The following IGSF9B variants were observed in gnomAD, a reference collection of about 807,000 sequenced individuals.
IGSF9B encodes the protein immunoglobulin superfamily member 9B, also known as protein turtle homolog B.
In IGSF9B, 48 loss-of-function variants were observed where a neutral mutation model predicts 143.7. The observed-to-expected ratio is 0.33, with a 90% confidence interval of 0.26 to 0.42. IGSF9B has a LOEUF of 0.42. Among genes scored for constraint, IGSF9B ranks in the 20% least tolerant of loss-of-function variants. IGSF9B has a pLI of 1.00. For missense variants in IGSF9B, 1,706 were observed against 1,980.0 expected, an observed-to-expected ratio of 0.86 and a Z score of 2.63; for synonymous variants, 903 against 833.1, an observed-to-expected ratio of 1.08 and a Z score of -1.44.
intron 12 of IGSF9B, among the ~76,000 whole-genome samples, chr11:133,929,395 C>G (rs571369179): frequency 2.6e-5 from 4 of 152,180 alleles, no homozygotes; most frequent in Non-Finnish European, 1.5e-5. Flanking sequence ...TGAAGCAGGA[C>G]GCAAAACGAG....
rs748596293 is a variant in IGSF9B at position 133,920,084 on chromosome 11, C to G, written c.3641G>C (p.Gly1214Ala). 6.5e-7 allele frequency: 1 copy of G among 1,527,896 alleles called. No homozygotes were observed. Among genetic ancestry groups the G allele is most frequent in the Non-Finnish European group, 8.8e-7 (1 of 1,138,504 alleles). 94.6% of individuals were successfully genotyped at this position (1,527,896 alleles called of 1,614,324 possible). A position where few individuals can be genotyped will look rare whatever the true frequency, so the allele number is the denominator to read the frequency against. Residue 1214 changes from glycine (G) to alanine (A), a missense_variant, in exon 18 of 20, where the codon GGC (glycine) becomes GCC (alanine). Physicochemically the swap from Gly to Ala is moderately conservative, Grantham distance 60. Transcript: ENST00000533871. ...GGCACGGGCGGCGAGCTCAGGGGAG[C>G]CGGTGCGGGAGCTGAGGGGGCTTTG... ...LTQSPLSSRT[G>A]SPELAARARP...
At chr11:133,937,041 A>G (rs890777572) in intron 5 of IGSF9B, among the ~76,000 whole-genome samples, 1 of 152,138 alleles carries the variant, frequency 6.6e-6, no homozygotes, top group Non-Finnish European at 1.5e-5. Context: ...TGGATAGATG[A>G]CCCCAGGGAG....
chr11:133,924,134 G>A (rs1939586024), intron 15 of IGSF9B, among the ~76,000 whole-genome samples: 1 of 152,218 alleles, frequency 6.6e-6, no homozygotes, highest in South Asian at 2.1e-4. Context: ...GGTCCCAGGG[G>A]ACTCTGGGTG....
Position 133,926,969 on chromosome 11 carries a change from T to C in IGSF9B, c.1754A>G (p.Gln585Arg). The C allele has an allele frequency of 6.3e-7, 1 of 1,596,756 alleles. No homozygotes were observed. The highest frequency in any genetic ancestry group is 8.5e-7 in the Non-Finnish European group (1 of 1,172,026). ...ETAYQFSVLA[Q>R]NKLGTSAFSE... ...GAAGGCGCTGGTTCCCAGCTTGTTC[T>C]GGGCCAGGACGCTGAACTGGTACGC... Residue 585 changes from glutamine to arginine, a missense_variant, in exon 13 of 20, where the codon CAG (glutamine) becomes CGG (arginine). Gln to Arg is a conservative substitution (Grantham distance 43). This residue lies in a region of IGSF9B where 267 missense variants were observed against 321.1 expected (regional missense o/e 0.83). Coordinates refer to ENST00000533871, the MANE Select transcript of IGSF9B (RefSeq NM_001277285.4).
Position 133,937,357 on chromosome 11 carries a change from C to A in IGSF9B, c.679+19G>T. Reference sequence around the variant, plus strand: ...CCGCGGGAGCCCAGGGTTAAAGAGGCTGAGGAAATGGCTCCTACCTTGGAC... The same window carrying A: ...CCGCGGGAGCCCAGGGTTAAAGAGGATGAGGAAATGGCTCCTACCTTGGAC... On this transcript the variant is annotated intron_variant, in intron 5 of 19. Coordinates refer to ENST00000533871, the MANE Select transcript of IGSF9B (RefSeq NM_001277285.4). 6.4e-7 allele frequency: 1 copy of A among 1,574,354 alleles called. No homozygotes were observed.
intron 1 of IGSF9B, chr11:133,952,041 G>T (rs1164014022): frequency 2.2e-6 from 1 of 455,780 alleles, no homozygotes; most frequent in Non-Finnish European, 4.4e-6. Context: ...GCCAGGCTGA[G>T]CGGGACCTTC....
rs558143150 is a variant in IGSF9B at position 133,902,565 on chromosome 11, A to C, written c.*6504T>G. Reference sequence around the variant, plus strand: ...CCACACACACCACATACACACACACACCCCACACACACACACACACACCCC... The same window carrying C: ...CCACACACACCACATACACACACACCCCCCACACACACACACACACACCCC... On this transcript the variant is annotated 3_prime_UTR_variant, in exon 20 of 20. Transcript: ENST00000533871. 9.2e-6 allele frequency among the ~76,000 whole-genome samples: 1 copy of C among 108,326 alleles called. No individual in the cohort carries two copies. Among genetic ancestry groups the C allele is most frequent in the African/African-American group, 3.1e-5 (1 of 32,584 alleles). The allele number at this position is 108,326 out of a possible 152,430, so 71.1% of individuals were successfully genotyped here. A position where few individuals can be genotyped will look rare whatever the true frequency, so the allele number is the denominator to read the frequency against.
Position 133,946,079 on chromosome 11 carries a change from C to G in IGSF9B, c.244G>C (p.Val82Leu), listed in dbSNP as rs767164731. The G allele has an allele frequency of 6.3e-7, 1 of 1,588,194 alleles. No individual in the cohort carries two copies. The highest frequency in any genetic ancestry group is 1.7e-5 in the Admixed American group (1 of 57,550). ...FIKFGYYPPH[V>L]DPEYAGRASL... ...ACCTTACCTGCATACTCAGGGTCCA[C>G]GTGCGGCGGGTAGTAGCCAAACTTG... Residue 82 changes from valine to leucine, a missense_variant, in exon 2 of 20, where the codon GTG becomes CTG. Val to Leu is a conservative substitution (Grantham distance 32, BLOSUM62 1). This residue lies in a region of IGSF9B where 171 missense variants were observed against 213.9 expected (regional missense o/e 0.80). Transcript: ENST00000533871.
chr11:133,925,680 TAG>T, intron 14 of IGSF9B, 57 bp downstream of exon 14: 1 of 1,458,682 alleles, frequency 6.9e-7, no homozygotes, highest in South Asian at 1.2e-5. Context: ...CCAGTGCCTC[TAG>T]AGTCTTGTCG....
rs1423718823 is a variant in IGSF9B at position 133,955,891 on chromosome 11, CCCGCCCCTCCCCTCCCCCGCCG to C, written c.64+778_64+799del. On this transcript the variant is annotated intron_variant, in intron 1 of 19. Coordinates refer to ENST00000533871, the MANE Select transcript of IGSF9B (RefSeq NM_001277285.4). Reference sequence around the variant, plus strand: ...TTCACAGCGTGGGGACCCCCCCTTCCCCGCCCCTCCCCTCCCCCGCCGCCGCCCCCAGCCAGCTCTGCCTCGC... The same window carrying C: ...TTCACAGCGTGGGGACCCCCCCTTCCCCGCCCCCAGCCAGCTCTGCCTCGC... Among the ~76,000 whole-genome samples, 486 of 152,176 alleles carry C rather than the reference CCCGCCCCTCCCCTCCCCCGCCG, an allele frequency of 3.2e-3. 2 individuals are homozygous for C. Among genetic ancestry groups the C allele is most frequent in the African/African-American group, 0.011 (446 of 41,552 alleles).
Position 133,907,463 on chromosome 11 carries a change from C to T in IGSF9B, c.*1606G>A, listed in dbSNP as rs1162631331. Among the ~76,000 whole-genome samples the T allele has an allele frequency of 6.6e-6, 1 of 152,160 alleles. No homozygotes were observed. Among genetic ancestry groups the T allele is most frequent in the Non-Finnish European group, 1.5e-5 (1 of 68,034 alleles). ...CCCCAAACCCACCAAGACAGCAGCA[C>T]CAAGAAGGAAATACTTCAAGGAACC... On this transcript the variant is annotated 3_prime_UTR_variant, in exon 20 of 20. Coordinates refer to ENST00000533871, the MANE Select transcript of IGSF9B (RefSeq NM_001277285.4).
At position 133,945,072 on chromosome 11, in the gene IGSF9B, T is replaced by C. The variant is rs1253535239; in HGVS notation, c.263-706A>G. Among the ~76,000 whole-genome samples the C allele has an allele frequency of 6.6e-6, 1 of 152,036 alleles. No homozygotes were observed. The highest frequency in any genetic ancestry group is 1.9e-4 in the East Asian group (1 of 5,172). ...CCTCAGCTCTAATCCCCTGCCCCAG[T>C]AGGATGCCATCTGTGTCTCACATGT... On this transcript the variant is annotated intron_variant, in intron 2 of 19. Coordinates refer to ENST00000533871, the MANE Select transcript of IGSF9B (RefSeq NM_001277285.4). The surrounding 1 kb of genome is among the most constrained non-coding windows in gnomAD (Gnocchi z 4.6).
chr11:133,909,154 A>T lies in IGSF9B; in HGVS notation c.4229T>A (p.Leu1410Ter), dbSNP rs1382315424. 1 of 1,535,900 alleles carries T rather than the reference A, an allele frequency of 6.5e-7. No homozygotes were observed. The highest frequency in any genetic ancestry group is 8.7e-7 in the Non-Finnish European group (1 of 1,146,734). The change falls in exon 20 of 20, where the codon TTG becomes TAG. Residue 1410 changes from leucine to a stop codon, truncating the protein, a stop_gained. Coordinates refer to ENST00000533871, the MANE Select transcript of IGSF9B (RefSeq NM_001277285.4). LOFTEE classifies it high-confidence loss of function. This position sits in a 1 kb window ranked among gnomAD's most constrained non-coding sequence, Gnocchi z 4.2. The stretch of plus-strand genomic sequence containing the variant: ...GTCTTCCGGAAGCTGGCGGTGGCAC[A>T]AGTCTGAGAGCCGGGCAAAGGGGTC... ...RPDPFARLSD[L>*]CHRQLPEDQT...
chr11:133,956,716 G>C lies in IGSF9B; in HGVS notation c.39C>G (p.Ile13Met), dbSNP rs1266692584. 5 of 1,547,046 alleles carry C rather than the reference G, an allele frequency of 3.2e-6. No homozygotes were observed. The highest frequency in any genetic ancestry group is 4.4e-6 in the Non-Finnish European group (5 of 1,148,404). The change falls in exon 1 of 20, where the codon ATC (isoleucine) becomes ATG (methionine). Residue 13 changes from isoleucine to methionine, a missense_variant. Around this residue, in one of 7 missense-constraint regions of IGSF9B, gnomAD observed 171 missense variants for 213.9 expected, o/e 0.80. Coordinates refer to ENST00000533871, the MANE Select transcript of IGSF9B (RefSeq NM_001277285.4). ...WYVATFIASV[I>M]GTRGLAAEGA... is the part of the protein sequence containing the mutation. Reference sequence around the variant, plus strand: ...CTTCAGCCGCAAGCCCTCGGGTGCCGATCACACTTGCTATGAAAGTGGCCA... The same window carrying C: ...CTTCAGCCGCAAGCCCTCGGGTGCCCATCACACTTGCTATGAAAGTGGCCA...
intron 11 of IGSF9B, 106 bp from the exon 12 acceptor site, chr11:133,929,888 G>A (rs979064932): frequency 7.7e-5 from 55 of 713,382 alleles, no homozygotes; most frequent in South Asian, 4.1e-4. Context: ...GCATGGCAGC[G>A]GAGCACAATA....
At position 133,920,782 on chromosome 11, in the gene IGSF9B, G is replaced by A; in HGVS notation, c.2943C>T (p.Pro981=). The A allele has an allele frequency of 1.9e-6, 3 of 1,610,676 alleles. No homozygotes were observed. Among genetic ancestry groups the A allele is most frequent in the Non-Finnish European group, 2.5e-6 (3 of 1,178,600 alleles). ...SSSSPGEVEP[P]PFYVPEVGSP... ...TGCCCACTTCTGGCACGTAGAACGG[G>A]GGCGGCTCCACCTCCCCAGGGCTGC... Residue 981 remains proline (P), a synonymous_variant, in exon 18 of 20, where the codon CCC becomes CCT. Coordinates refer to ENST00000533871, the MANE Select transcript of IGSF9B (RefSeq NM_001277285.4).
At position 133,918,928 on chromosome 11, in the gene IGSF9B, G is replaced by A. The variant is rs914465168; in HGVS notation, c.3983+814C>T. On this transcript the variant is annotated intron_variant, in intron 18 of 19. Coordinates refer to ENST00000533871, the MANE Select transcript of IGSF9B (RefSeq NM_001277285.4). The stretch of plus-strand genomic sequence containing the variant: ...AAGATAGGAGAGAGAAAGACTGACT[G>A]GAGAAGGAAGGAGGGGCAGGGGGAG... 8.0e-5 allele frequency: 37 copies of A among 461,076 alleles called. No homozygotes were observed. In the Middle Eastern group the frequency reaches 1.7e-3, roughly 22 times the overall value. The allele number at this position is 461,076 out of a possible 1,614,324, so 28.6% of individuals were successfully genotyped here. A position where few individuals can be genotyped will look rare whatever the true frequency, so the allele number is the denominator to read the frequency against.
chr11:133,955,488 C>T (rs991605047), intron 1 of IGSF9B, among the ~76,000 whole-genome samples: 1 of 152,352 alleles, frequency 6.6e-6, no homozygotes. Flanking sequence ...GTGAGAGGCG[C>T]CTCCAGCCCA....
Position 133,956,790 on chromosome 11 carries a change from G to T in IGSF9B, c.-36C>A. On this transcript the variant is annotated 5_prime_UTR_variant, in exon 1 of 20. Coordinates refer to ENST00000533871, the MANE Select transcript of IGSF9B (RefSeq NM_001277285.4). ...CGCCAGCCCGGAGCCTCATCCTATC[G>T]CAAAGTGCTCCCGCGCCCGCACGCG... 7 of 1,374,954 alleles carry T rather than the reference G, an allele frequency of 5.1e-6. No individual in the cohort carries two copies. Among genetic ancestry groups the T allele is most frequent in the Non-Finnish European group, 6.8e-6 (7 of 1,033,724 alleles). 85.2% of individuals were successfully genotyped at this position (1,374,954 alleles called of 1,614,324 possible). A position where few individuals can be genotyped will look rare whatever the true frequency, so the allele number is the denominator to read the frequency against.
Sources: gnomAD v4.1 joint callset for allele counts (sites outside exome capture counted in the v4.1 genomes callset) on GRCh38, gnomAD v4.1.1 for gene constraint, gnomAD v4.1.1 regional missense constraint, Gnocchi (gnomAD v3.1) non-coding constraint, MANE v1.5 for transcripts, NCBI Gene and HGNC (gene_info 2026-07-23, HGNC 2026-07-21) for gene names.